B3GNT3: variants seen among roughly 807,000 people sequenced by gnomAD.
The protein encoded by B3GNT3 is UDP-GlcNAc:betaGal beta-1,3-N-acetylglucosaminyltransferase 3, also known as N-acetyllactosaminide beta-1,3-N-acetylglucosaminyltransferase 3.
In B3GNT3, 7 loss-of-function variants were observed where a neutral mutation model predicts 11.6. The ratio of observed to expected loss-of-function variants is 0.60; its 90% confidence interval spans 0.34 to 1.13. B3GNT3 has a LOEUF of 1.13. B3GNT3 is among the 50% of genes most tolerant of loss of function. The pLI is 0.03. For missense variants in B3GNT3, 400 were observed against 507.4 expected (o/e 0.79, Z 2.03); for synonymous variants, 201 against 222.1 (o/e 0.90, Z 0.85).
Position 17,811,732 on chromosome 19 carries a change from C to A in B3GNT3, c.729C>A (p.Gly243=), listed in dbSNP as rs771785757. Residue 243 remains glycine (G), a synonymous_variant, in exon 3 of 3, where the codon GGC becomes GGA. Transcript: ENST00000318683. The surrounding 1 kb of genome is among the most constrained non-coding windows in gnomAD (Gnocchi z 4.1). ...LFVGQLIQNV[G]PIRAFWSKYY... is the part of the protein sequence containing the mutation. ...TGGGGCAACTGATCCAAAACGTGGG[C>A]CCCATCCGGGCTTTTTGGAGCAAGT... 6.2e-7 allele frequency: 1 copy of A among 1,614,248 alleles called. No homozygotes were observed. Among genetic ancestry groups the A allele is most frequent in the Admixed American group, 1.7e-5 (1 of 60,016 alleles).
intron 2 of B3GNT3, among the ~76,000 whole-genome samples, chr19:17,808,745 T>C (rs1455449118): frequency 6.6e-6 from 1 of 152,174 alleles, no homozygotes; most frequent in Non-Finnish European, 1.5e-5. Context: ...TACTGTGAGG[T>C]TTACAGGAGA....
intron 1 of B3GNT3, among the ~76,000 whole-genome samples, chr19:17,800,864 G>C (rs1044177860): frequency 6.6e-6 from 1 of 152,000 alleles, no homozygotes; most frequent in African/African-American, 2.4e-5. Context: ...CTACTCAGGA[G>C]GCTGAGGCAG....
chr19:17,808,257 C>T lies in B3GNT3; in HGVS notation c.450C>T (p.Ala150=), dbSNP rs113278959. 1.2e-5 allele frequency: 20 copies of T among 1,613,626 alleles called. No individual in the cohort carries two copies. Among genetic ancestry groups the T allele is most frequent in the Middle Eastern group, 1.7e-4 (1 of 6,060 alleles). ...QLRLLFLVGT[A]SNPHEARKVN... ...GCCTCCTCTTCCTGGTGGGCACAGC[C>T]TCCAACCCGCACGAGGCCCGCAAGG... The change falls in exon 2 of 3, where the codon GCC becomes GCT. Residue 150 remains alanine (A), a synonymous_variant. Transcript: ENST00000318683.
chr19:17,804,440 A>G (rs960825767), intron 1 of B3GNT3, among the ~76,000 whole-genome samples: 1 of 144,994 alleles, frequency 6.9e-6, no homozygotes, highest in African/African-American at 2.6e-5. Flanking sequence ...GGGTTTTGCC[A>G]TGTTGGCCAG....
chr19:17,810,516 A>G (rs2094179293), intron 2 of B3GNT3, among the ~76,000 whole-genome samples: 1 of 152,118 alleles, frequency 6.6e-6, no homozygotes, highest in African/African-American at 2.4e-5. Context: ...GCTGAGGGAG[A>G]TGGCATGAAC....
chr19:17,798,014 A>G (rs545780213), intron 1 of B3GNT3, among the ~76,000 whole-genome samples: 2 of 152,262 alleles, frequency 1.3e-5, no homozygotes, highest in South Asian at 4.1e-4. Context: ...CCTTGGGCAG[A>G]GTTGCACCCT....
In B3GNT3 at chr19:17,811,838, A is replaced by G. The variant is rs1249489682; in HGVS notation, c.835A>G (p.Thr279Ala). 12 of 1,614,146 alleles carry G rather than the reference A, an allele frequency of 7.4e-6. No homozygotes were observed. The highest frequency in any genetic ancestry group is 1.0e-5 in the Non-Finnish European group (12 of 1,180,024). ...GGGGFLLSRFTAAALRRAAHV... is the reference protein window; with the variant it reads ...GGGGFLLSRFAAAALRRAAHV... ...TGGTGGCTTCTTGCTGTCCCGCTTC[A>G]CGGCCGCTGCCCTGCGCCGTGCTGC... Residue 279 changes from threonine to alanine, a missense_variant, in exon 3 of 3, where the codon ACG becomes GCG. Physicochemically the swap from Thr to Ala is moderately conservative, Grantham distance 58. Coordinates refer to ENST00000318683, the MANE Select transcript of B3GNT3 (RefSeq NM_014256.4). The surrounding 1 kb of genome is among the most constrained non-coding windows in gnomAD (Gnocchi z 4.1).
chr19:17,808,956 C>T (rs2094177276), intron 2 of B3GNT3, among the ~76,000 whole-genome samples: 1 of 152,132 alleles, frequency 6.6e-6, no homozygotes, highest in Non-Finnish European at 1.5e-5. Flanking sequence ...ACTGCCTCAG[C>T]CTCCCAAGTA....
Position 17,811,492 on chromosome 19 carries a change from G to A in B3GNT3, c.568-79G>A, listed in dbSNP as rs2094180606. On this transcript the variant is annotated intron_variant, in intron 2 of 2. Coordinates refer to ENST00000318683, the MANE Select transcript of B3GNT3 (RefSeq NM_014256.4). This position sits in a 1 kb window ranked among gnomAD's most constrained non-coding sequence, Gnocchi z 4.1. ...GGACACTTCCTTTCCTGGGCTTAGT[G>A]GGCTGGAGTGGCTAATAGAGACCCA... 7.2e-7 allele frequency: 1 copy of A among 1,396,838 alleles called. No individual in the cohort carries two copies. Among genetic ancestry groups the A allele is most frequent in the African/African-American group, 1.4e-5 (1 of 69,626 alleles). 86.5% of individuals were successfully genotyped at this position (1,396,838 alleles called of 1,614,324 possible).
chr19:17,806,666 G>C, intron 1 of B3GNT3, among the ~76,000 whole-genome samples: 1 of 152,090 alleles, frequency 6.6e-6, no homozygotes, highest in Non-Finnish European at 1.5e-5. Context: ...CAAAGTTCTG[G>C]GTTCCGGCTG....
At chr19:17,805,902 G>A (rs571521734) in intron 1 of B3GNT3, among the ~76,000 whole-genome samples, 10 of 150,586 alleles carry the variant, frequency 6.6e-5, no homozygotes, top group African/African-American at 2.2e-4. Flanking sequence ...GGCTCAGGTG[G>A]TCCTCCCACC....
chr19:17,805,222 C>T (rs2094171674), intron 1 of B3GNT3, among the ~76,000 whole-genome samples: 1 of 151,740 alleles, frequency 6.6e-6, no homozygotes. Flanking sequence ...ACCTCAACCT[C>T]CCGCATAGCT....
At chr19:17,807,682 G>C (rs75226258) in intron 1 of B3GNT3, 76 bp from the exon 2 acceptor site, 28,708 of 914,412 alleles carry the variant, frequency 0.031, 657 homozygotes, top group Non-Finnish European at 0.038. Context: ...AACTGTACAG[G>C]TGCAACCAGA....
At chr19:17,804,500 G>A (rs1261494832) in intron 1 of B3GNT3, among the ~76,000 whole-genome samples, 2 of 129,904 alleles carry the variant, frequency 1.5e-5, no homozygotes, top group Admixed American at 8.4e-5. Flanking sequence ...TTCCCAAAGT[G>A]CTGAGATTAC....
At chr19:17,809,613 AT>A (rs1244173339) in intron 2 of B3GNT3, among the ~76,000 whole-genome samples, 2 of 151,278 alleles carry the variant, frequency 1.3e-5, no homozygotes, top group East Asian at 2.0e-4. Context: ...TGCCCAGCTA[AT>A]TTTTTTGTAC....
At chr19:17,795,027 G>T (rs1035009025), upstream of B3GNT3, 1 of 152,682 alleles carries the variant, frequency 6.5e-6, no homozygotes, top group East Asian at 1.9e-4. Flanking sequence ...AAACTCAGCC[G>T]AGCTGGGAAG....
intron 2 of B3GNT3, among the ~76,000 whole-genome samples, chr19:17,810,116 C>T (rs902384225): frequency 6.6e-6 from 1 of 152,166 alleles, no homozygotes; most frequent in African/African-American, 2.4e-5. Flanking sequence ...CAAACAGATA[C>T]CCAGCCTGTG....
At chr19:17,795,908 C>T (rs952704698) in intron 1 of B3GNT3, among the ~76,000 whole-genome samples, 3 of 152,088 alleles carry the variant, frequency 2.0e-5, no homozygotes, top group Non-Finnish European at 2.9e-5. Flanking sequence ...GGTCTCATGG[C>T]ATGGGACCTT....
intron 1 of B3GNT3, among the ~76,000 whole-genome samples, chr19:17,801,540 G>A (rs866756923): frequency 5.9e-5 from 9 of 151,592 alleles, no homozygotes; most frequent in African/African-American, 1.9e-4. Flanking sequence ...CTGGAGTGCA[G>A]TGGTGCTATC....
Sources: allele counts gnomAD v4.1 joint callset (sites outside exome capture counted in the v4.1 genomes callset), GRCh38; gene constraint gnomAD v4.1.1; non-coding constraint Gnocchi (gnomAD v3.1); transcripts MANE v1.5; gene names NCBI Gene and HGNC (gene_info 2026-07-23, HGNC 2026-07-21).